The following ANXA13 variants were observed in gnomAD, a reference collection of about 807,000 sequenced individuals.
The protein encoded by ANXA13 is annexin A13.
ANXA13 carries 36 observed loss-of-function variants against 46.6 expected under a neutral mutation model. The ratio of observed to expected loss-of-function variants is 0.77; its 90% CI spans 0.59 to 1.02. ANXA13 has a LOEUF of 1.02. Ranked by LOEUF, ANXA13 falls within the 50% of genes least tolerant of loss-of-function variation. The pLI, the probability that ANXA13 is intolerant of heterozygous loss-of-function variation, is 0.00. For synonymous variants in ANXA13, 163 were observed against 152.9 expected, an observed-to-expected ratio of 1.07 and a Z score of -0.49; for missense variants, 417 against 396.5, an observed-to-expected ratio of 1.05 and a Z score of -0.44.
intron 4 of ANXA13, among the ~76,000 whole-genome samples, chr8:123,696,030 C>T (rs769288334): frequency 2.0e-5 from 3 of 152,030 alleles, no homozygotes; most frequent in Non-Finnish European, 1.5e-5. Flanking sequence ...ACCACCTCCT[C>T]GCCTGGTCTC....
At chr8:123,714,198 C>T (rs1221215283) in intron 1 of ANXA13, among the ~76,000 whole-genome samples, 1 of 152,212 alleles carries the variant, frequency 6.6e-6, no homozygotes, top group Non-Finnish European at 1.5e-5. Context: ...TGTGGCCTCA[C>T]TGGGGCTGTC....
rs1813027106 is a variant in ANXA13 at position 123,681,104 on chromosome 8, G to A, written c.*136C>T. ...TTAACTTACACAGCTTGGCCTGGCT[G>A]CGCCACTTAAGCTGCCAAGAAAGTA... On this transcript the variant is annotated 3_prime_UTR_variant, in exon 11 of 11. Transcript: ENST00000419625. The A allele has an allele frequency of 3.2e-6, 4 of 1,245,390 alleles. No homozygotes were observed. Among genetic ancestry groups the A allele is most frequent in the Non-Finnish European group, 4.4e-6 (4 of 916,784 alleles). 77.1% of individuals were successfully genotyped at this position (1,245,390 alleles called of 1,614,324 possible). A position where few individuals can be genotyped will look rare whatever the true frequency, so the allele number is the denominator to read the frequency against.
intron 6 of ANXA13, 96 bp from the exon 7 acceptor site, chr8:123,693,875 T>C: frequency 1.3e-3 from 1,232 of 951,356 alleles, no homozygotes; most frequent in Non-Finnish European, 1.9e-3. Context: ...AAGAGGTGAA[T>C]TCTTTCTCAG....
chr8:123,723,677 G>T (rs116530974), intron 1 of ANXA13, among the ~76,000 whole-genome samples: 2 of 152,186 alleles, frequency 1.3e-5, no homozygotes, highest in African/African-American at 4.8e-5. Flanking sequence ...TGGAGAGCTG[G>T]TGGTGAGACA....
chr8:123,715,339 C>T (rs1238286818), intron 1 of ANXA13, among the ~76,000 whole-genome samples: 1 of 152,202 alleles, frequency 6.6e-6, no homozygotes, highest in African/African-American at 2.4e-5. Flanking sequence ...AGGAGCTGGT[C>T]CTCTAAGTGT....
chr8:123,684,789 C>G lies in ANXA13; in HGVS notation c.719-67G>C, dbSNP rs781637892. 5 of 1,173,088 alleles carry G rather than the reference C, an allele frequency of 4.3e-6. No individual in the cohort carries two copies. The Admixed American group carries it at 8.5e-5, about 20-fold the overall frequency. The allele number at this position is 1,173,088 out of a possible 1,614,324, so 72.7% of individuals were successfully genotyped here. Reference sequence around the variant, plus strand: ...TTTGTGGAATGACCTTGGGACCCCCCTAAATGTCACCTGGCTGCCCTTCGA... The same window carrying G: ...TTTGTGGAATGACCTTGGGACCCCCGTAAATGTCACCTGGCTGCCCTTCGA... On this transcript the variant is annotated intron_variant, in intron 9 of 10. Transcript: ENST00000419625.
intron 1 of ANXA13, among the ~76,000 whole-genome samples, chr8:123,737,078 C>T (rs577597545): frequency 3.2e-4 from 48 of 151,292 alleles, no homozygotes; most frequent in African/African-American, 1.0e-3. Context: ...CCAGGCTGAC[C>T]TCAAACTCCT....
intron 2 of ANXA13, among the ~76,000 whole-genome samples, chr8:123,706,151 AC>A (rs1266549023): frequency 6.6e-6 from 1 of 152,220 alleles, no homozygotes; most frequent in African/African-American, 2.4e-5. Flanking sequence ...TGGTTTCAAC[AC>A]TGGGATTCAC....
chr8:123,692,264 C>A (rs1479094032), intron 8 of ANXA13, among the ~76,000 whole-genome samples: 1 of 152,196 alleles, frequency 6.6e-6, no homozygotes, highest in Non-Finnish European at 1.5e-5. Context: ...CAGATGGTTC[C>A]TCACTCAACA....
chr8:123,688,959 C>T lies in ANXA13; in HGVS notation c.643-13G>A. ...CTTTGCCAATGAGCTGCAGCGAAAA[C>T]CAAAATCAACTGTTATTCCAGGTTT... On this transcript the variant is annotated splice_polypyrimidine_tract_variant and intron_variant, in intron 8 of 10. Transcript: ENST00000419625. The T allele has an allele frequency of 6.2e-7, 1 of 1,613,114 alleles. No individual in the cohort carries two copies. Among genetic ancestry groups the T allele is most frequent in the Admixed American group, 1.7e-5 (1 of 59,994 alleles).
At chr8:123,730,415 A>G (rs903745142) in intron 1 of ANXA13, among the ~76,000 whole-genome samples, 12 of 152,202 alleles carry the variant, frequency 7.9e-5, no homozygotes, top group Non-Finnish European at 1.3e-4. Flanking sequence ...GTTGGACCCA[A>G]CTCTCCATTT....
At chr8:123,698,650 CAAGA>C (rs1321525513) in intron 3 of ANXA13, 91 bp from the exon 4 acceptor site, 9 of 1,375,132 alleles carry the variant, frequency 6.5e-6, no homozygotes, top group Non-Finnish European at 9.1e-6. Flanking sequence ...TCATAGTTGA[CAAGA>C]AAGGTGCTGT....
At chr8:123,720,249 G>C (rs1034594119) in intron 1 of ANXA13, among the ~76,000 whole-genome samples, 3 of 152,162 alleles carry the variant, frequency 2.0e-5, no homozygotes, top group African/African-American at 7.2e-5. Flanking sequence ...GAGAACTGCT[G>C]TTTGAGCTGG....
At chr8:123,688,981 G>A (rs1203035358) in intron 8 of ANXA13, 35 bp from the exon 9 acceptor site, 2 of 1,607,126 alleles carry the variant, frequency 1.2e-6, no homozygotes, top group Non-Finnish European at 1.7e-6. Flanking sequence ...GTTATTCCAG[G>A]TTTGCCTTTG....
chr8:123,684,784 C>T, intron 9 of ANXA13, 62 bp from the exon 10 acceptor site: 4 of 1,290,938 alleles, frequency 3.1e-6, no homozygotes, highest in East Asian at 2.3e-5. Context: ...GACCTTGGGA[C>T]CCCCCTAAAT....
chr8:123,709,186 C>T (rs976546762), intron 2 of ANXA13, among the ~76,000 whole-genome samples: 2 of 152,178 alleles, frequency 1.3e-5, no homozygotes, highest in African/African-American at 2.4e-5. Context: ...CCAAAGGAGG[C>T]GATCCACATG....
chr8:123,688,229 T>C (rs1241296830), intron 9 of ANXA13, among the ~76,000 whole-genome samples: 1 of 152,114 alleles, frequency 6.6e-6, no homozygotes, highest in East Asian at 1.9e-4. Flanking sequence ...ACGGTTCTCA[T>C]GGTAGTGAAT....
intron 1 of ANXA13, among the ~76,000 whole-genome samples, chr8:123,713,593 G>A (rs1271117511): frequency 6.6e-6 from 1 of 152,144 alleles, no homozygotes; most frequent in African/African-American, 2.4e-5. Context: ...ATTAACCTGT[G>A]AGGTTAATTG....
chr8:123,725,702 GTATATTTAAGCACAGTTTGAA>G (rs2129933534), intron 1 of ANXA13, among the ~76,000 whole-genome samples: 1 of 152,266 alleles, frequency 6.6e-6, no homozygotes, highest in South Asian at 2.1e-4. Flanking sequence ...ACCCTGTTGG[GTATATTTAAGCACAGTTTGAA>G]TACGAATATT....
Sources: gnomAD v4.1 joint callset for allele counts (sites outside exome capture counted in the v4.1 genomes callset) on GRCh38, gnomAD v4.1.1 for gene constraint, MANE v1.5 for transcripts, NCBI Gene and HGNC (gene_info 2026-07-23, HGNC 2026-07-21) for gene names.